Variants in MACROD2 observed in about 807,000 individuals in gnomAD.
MACROD2 encodes the protein ADP-ribose glycohydrolase MACROD2.
In MACROD2, 36 loss-of-function variants were observed where a neutral mutation model predicts 70.4. That is an observed-to-expected ratio of 0.51 (90% CI 0.39 to 0.68). The LOEUF (loss-of-function observed/expected upper bound fraction) is 0.68. Ranked by LOEUF, MACROD2 falls within the 30% of genes least tolerant of loss-of-function variation. MACROD2 has a pLI of 0.00. For synonymous variants in MACROD2, 172 were observed against 178.8 expected (o/e 0.96, Z 0.30); for missense variants, 496 against 538.4 (o/e 0.92, Z 0.78).
intron 7 of MACROD2, among the ~76,000 whole-genome samples, chr20:15,482,230 CTT>C (rs2047107474): frequency 6.6e-6 from 1 of 151,678 alleles, no homozygotes; most frequent in Non-Finnish European, 1.5e-5. Flanking sequence ...CTCACAGTTA[CTT>C]TAAGTTTTCA....
Position 14,586,992 on chromosome 20 carries a change from T to C in MACROD2, c.301+93484T>C, listed in dbSNP as rs571316660. Among the ~76,000 whole-genome samples the C allele has an allele frequency of 1.2e-4, 19 of 152,116 alleles. No individual in the cohort carries two copies. In the East Asian group the frequency reaches 3.7e-3, roughly 29 times the overall value. On this transcript the variant is annotated intron_variant, in intron 4 of 17. Coordinates refer to ENST00000684519, the MANE Select transcript of MACROD2 (RefSeq NM_001351661.2). ...TTATTTCAAGTTTCAAAATGTATTA[T>C]TTTCTTGTTTAGTGTATTTTATAAT...
chr20:16,013,907 G>A (rs1198443537), intron 15 of MACROD2, among the ~76,000 whole-genome samples: 1 of 152,208 alleles, frequency 6.6e-6, no homozygotes, highest in Admixed American at 6.5e-5. Flanking sequence ...GATAGGCCCT[G>A]TGTAAATGGA....
chr20:14,246,466 AG>A (rs1408623847), intron 3 of MACROD2, among the ~76,000 whole-genome samples: 1 of 152,184 alleles, frequency 6.6e-6, no homozygotes, highest in Non-Finnish European at 1.5e-5. Context: ...CTCTGAGTCT[AG>A]CTCAAGTATC....
chr20:15,065,169 AT>A (rs1261955418), intron 5 of MACROD2, among the ~76,000 whole-genome samples: 1 of 152,192 alleles, frequency 6.6e-6, no homozygotes, highest in Non-Finnish European at 1.5e-5. Flanking sequence ...ACCTCTTCAG[AT>A]TTCATAATGG....
intron 8 of MACROD2, among the ~76,000 whole-genome samples, chr20:15,666,220 T>C (rs1406076002): frequency 6.6e-6 from 1 of 152,206 alleles, no homozygotes; most frequent in Non-Finnish European, 1.5e-5. Flanking sequence ...AATGTGAAAC[T>C]GAGTGTTAGA....
Position 14,326,496 on chromosome 20 carries a change from T to A in MACROD2, c.272-166983T>A. 6.2e-7 allele frequency: 1 copy of A among 1,613,884 alleles called. No homozygotes were observed. Among genetic ancestry groups the A allele is most frequent in the South Asian group, 1.1e-5 (1 of 91,078 alleles). ...TAATAGCCATCCCACGAACCTTTTC[T>A]GGGGCTTGGCACATGAGCCCACGCA... On this transcript the variant is annotated intron_variant, in intron 3 of 17. Coordinates refer to ENST00000684519, the MANE Select transcript of MACROD2 (RefSeq NM_001351661.2). The surrounding 1 kb of genome is among the most constrained non-coding windows in gnomAD (Gnocchi z 5.5).
At chr20:15,602,158 A>T (rs2048830847) in intron 8 of MACROD2, among the ~76,000 whole-genome samples, 1 of 152,182 alleles carries the variant, frequency 6.6e-6, no homozygotes, top group South Asian at 2.1e-4. Context: ...TCCTGCCGTG[A>T]TGGGAGTGTT....
At chr20:15,551,861 C>A (rs574722803) in intron 8 of MACROD2, among the ~76,000 whole-genome samples, 75 of 106,596 alleles carry the variant, frequency 7.0e-4, no homozygotes, top group African/African-American at 3.0e-3. Context: ...AGAGTGAGAC[C>A]CTGCCTCAAA....
chr20:14,299,413 G>A (rs2082455684), intron 3 of MACROD2, among the ~76,000 whole-genome samples: 1 of 152,112 alleles, frequency 6.6e-6, no homozygotes, highest in Non-Finnish European at 1.5e-5. Context: ...AACCAGAAAC[G>A]TGACCCACTT....
intron 5 of MACROD2, among the ~76,000 whole-genome samples, chr20:14,839,532 T>C (rs2073065304): frequency 6.6e-6 from 1 of 152,090 alleles, no homozygotes; most frequent in South Asian, 2.1e-4. Context: ...CCATTTCCCA[T>C]AAAATAATGT....
chr20:14,816,929 A>G (rs1040239944), intron 5 of MACROD2, among the ~76,000 whole-genome samples: 5 of 152,124 alleles, frequency 3.3e-5, no homozygotes, highest in Non-Finnish European at 7.4e-5. Context: ...GCTACATAGA[A>G]TCGAAATAAA....
chr20:14,642,617 G>A (rs1335493746), intron 4 of MACROD2, among the ~76,000 whole-genome samples: 3 of 152,076 alleles, frequency 2.0e-5, no homozygotes, highest in Non-Finnish European at 4.4e-5. Context: ...CAATATTGTT[G>A]TGTCTCAGCC....
chr20:15,094,703 A>G (rs1030495581), intron 5 of MACROD2, among the ~76,000 whole-genome samples: 2 of 152,150 alleles, frequency 1.3e-5, no homozygotes, highest in Non-Finnish European at 2.9e-5. Flanking sequence ...TCCACGTTTC[A>G]TGCTTGTTCT....
intron 4 of MACROD2, among the ~76,000 whole-genome samples, chr20:14,684,240 C>A (rs1356235455): frequency 6.6e-6 from 1 of 152,128 alleles, no homozygotes; most frequent in African/African-American, 2.4e-5. Context: ...CAGTCAGACA[C>A]CCTGCAGAAA....
At chr20:15,065,064 A>T (rs1354837016) in intron 5 of MACROD2, among the ~76,000 whole-genome samples, 1 of 152,210 alleles carries the variant, frequency 6.6e-6, no homozygotes, top group African/African-American at 2.4e-5. Context: ...CCTCATTTCT[A>T]TGCATGATGA....
chr20:14,426,863 C>T (rs1236123595), intron 3 of MACROD2, among the ~76,000 whole-genome samples: 2 of 152,096 alleles, frequency 1.3e-5, no homozygotes, highest in African/African-American at 2.4e-5. Flanking sequence ...TATGCAGAGA[C>T]CTTTTACTTT....
At chr20:15,538,303 G>A (rs1392250279) in intron 8 of MACROD2, among the ~76,000 whole-genome samples, 1 of 152,164 alleles carries the variant, frequency 6.6e-6, no homozygotes, top group Non-Finnish European at 1.5e-5. Context: ...ATGAAAGGAA[G>A]GGGATAGATT....
chr20:14,883,488 C>G (rs748118884), intron 5 of MACROD2, among the ~76,000 whole-genome samples: 3 of 152,074 alleles, frequency 2.0e-5, no homozygotes, highest in Admixed American at 6.5e-5. Flanking sequence ...ATTTTTCATG[C>G]CTTTTTCCCT....
chr20:15,597,589 A>G (rs907074419), intron 8 of MACROD2, among the ~76,000 whole-genome samples: 16 of 152,206 alleles, frequency 1.1e-4, no homozygotes, highest in African/African-American at 3.9e-4. Flanking sequence ...GTAAAAGGCT[A>G]CCAGAGGTGG....
Sources: allele counts gnomAD v4.1 joint callset (sites outside exome capture counted in the v4.1 genomes callset), GRCh38; gene constraint gnomAD v4.1.1; non-coding constraint Gnocchi (gnomAD v3.1); transcripts MANE v1.5; gene names NCBI Gene and HGNC (gene_info 2026-07-23, HGNC 2026-07-21).